Variants in CDH13 observed in about 807,000 individuals in gnomAD.
The protein encoded by CDH13 is cadherin 13, also known as cadherin-13.
In CDH13, 24 loss-of-function variants were observed where a neutral mutation model predicts 63.8. That is an observed-to-expected ratio of 0.38 (90% CI 0.27 to 0.53). The LOEUF is 0.53. Among genes scored for constraint, CDH13 ranks in the 20% least tolerant of loss-of-function variants. The probability of loss-of-function intolerance (pLI) is 0.85; values close to 1 mark genes in which losing one functional copy is unlikely to be tolerated. For missense variants in CDH13, 1,049 were observed against 903.1 expected, an observed-to-expected ratio of 1.16 and a Z score of -2.07; for synonymous variants, 503 against 355.3, an observed-to-expected ratio of 1.42 and a Z score of -4.67.
intron 11 of CDH13, among the ~76,000 whole-genome samples, chr16:83,779,103 G>T (rs1474354842): frequency 6.6e-6 from 1 of 152,148 alleles, no homozygotes; most frequent in Non-Finnish European, 1.5e-5. Context: ...TAAGCCTAAA[G>T]AACTTCAATC....
intron 1 of CDH13, among the ~76,000 whole-genome samples, chr16:82,660,635 A>C (rs74028508): frequency 0.071 from 10,781 of 152,192 alleles, 935 homozygotes; most frequent in East Asian, 0.24. Flanking sequence ...AGTTATATTT[A>C]AGCCCTTTCA....
chr16:83,505,014 C>G (rs940574723), intron 7 of CDH13, among the ~76,000 whole-genome samples: 7 of 152,202 alleles, frequency 4.6e-5, no homozygotes, highest in Non-Finnish European at 4.4e-5. Flanking sequence ...TGGGAGGGGT[C>G]TGAGAGCATT....
chr16:82,793,967 G>C (rs1303978487), intron 1 of CDH13, among the ~76,000 whole-genome samples: 4 of 152,016 alleles, frequency 2.6e-5, no homozygotes, highest in African/African-American at 9.7e-5. Flanking sequence ...GGTGGAAATA[G>C]CCTGGATGCA....
At chr16:83,176,991 A>G (rs553933607) in intron 4 of CDH13, among the ~76,000 whole-genome samples, 1 of 152,294 alleles carries the variant, frequency 6.6e-6, no homozygotes, top group South Asian at 2.1e-4. Context: ...ATGATGAGGC[A>G]CTGCCATCCA....
chr16:82,948,594 C>G (rs1325386497), intron 2 of CDH13, among the ~76,000 whole-genome samples: 2 of 152,072 alleles, frequency 1.3e-5, no homozygotes, highest in African/African-American at 2.4e-5. Context: ...TTCAACCAAC[C>G]AAAATGACAA....
Position 83,268,659 on chromosome 16 carries a change from C to T in CDH13, c.636+51162C>T, listed in dbSNP as rs188117569. 2.5e-3 allele frequency among the ~76,000 whole-genome samples: 377 copies of T among 152,250 alleles called. 3 individuals carry two copies. The highest frequency in any genetic ancestry group is 8.7e-3 in the African/African-American group (363 of 41,542). On this transcript the variant is annotated intron_variant, in intron 5 of 13. Transcript: ENST00000567109. ...TTCAATGGGTGTCGCATCCTGGTCTCAATAGTTTTAGTGCAGACATTCTTC... is the reference window on the plus strand; with the variant it reads ...TTCAATGGGTGTCGCATCCTGGTCTTAATAGTTTTAGTGCAGACATTCTTC...
intron 7 of CDH13, among the ~76,000 whole-genome samples, chr16:83,502,656 A>T (rs889815067): frequency 6.6e-6 from 1 of 152,212 alleles, no homozygotes; most frequent in Non-Finnish European, 1.5e-5. Context: ...TGTGAAATAC[A>T]TTAGTTTTGG....
At chr16:83,702,686 G>A (rs1350883966) in intron 10 of CDH13, among the ~76,000 whole-genome samples, 3 of 152,174 alleles carry the variant, frequency 2.0e-5, no homozygotes, top group African/African-American at 7.2e-5. Context: ...GTGGCCATGT[G>A]CCTTGGGTCT....
intron 1 of CDH13, among the ~76,000 whole-genome samples, chr16:82,835,317 C>T (rs982241370): frequency 6.6e-6 from 1 of 152,192 alleles, no homozygotes; most frequent in Admixed American, 6.5e-5. Context: ...AATTTATGCT[C>T]CTTCTGACAT....
At chr16:83,150,151 C>T (rs1252571484) in intron 4 of CDH13, among the ~76,000 whole-genome samples, 1 of 150,370 alleles carries the variant, frequency 6.7e-6, no homozygotes, top group East Asian at 1.9e-4. Context: ...TCTTGCTGGA[C>T]TTTGTCTGTA....
intron 1 of CDH13, among the ~76,000 whole-genome samples, chr16:82,664,142 C>T (rs1657222169): frequency 6.6e-6 from 1 of 152,250 alleles, no homozygotes; most frequent in Admixed American, 6.5e-5. Flanking sequence ...AGGCAGTGCT[C>T]AGCACATAGT....
chr16:83,447,053 TAAA>T (rs56692922), intron 6 of CDH13, among the ~76,000 whole-genome samples: 14,539 of 63,324 alleles, frequency 0.23, 1,428 homozygotes, highest in Non-Finnish European at 0.35. Context: ...TCACCCGTCT[TAAA>T]AAAAAAAAAA....
intron 6 of CDH13, among the ~76,000 whole-genome samples, chr16:83,456,352 G>A (rs2073024974): frequency 6.6e-6 from 1 of 152,208 alleles, no homozygotes; most frequent in Admixed American, 6.5e-5. Flanking sequence ...CCCCGTCTTA[G>A]GTAAAGAGGA....
chr16:83,136,490 A>G (rs76028070), intron 4 of CDH13, among the ~76,000 whole-genome samples: 1 of 150,832 alleles, frequency 6.6e-6, no homozygotes, highest in African/African-American at 2.4e-5. Flanking sequence ...TGTCTCCAAA[A>G]AAAAAAAAAA....
intron 1 of CDH13, among the ~76,000 whole-genome samples, chr16:82,662,644 C>T (rs548533114): frequency 6.6e-6 from 1 of 152,176 alleles, no homozygotes; most frequent in Non-Finnish European, 1.5e-5. Context: ...TGTAGGACAA[C>T]AAATGCGCTT....
At chr16:83,289,001 G>A (rs547897479) in intron 5 of CDH13, among the ~76,000 whole-genome samples, 135 of 152,274 alleles carry the variant, frequency 8.9e-4, no homozygotes, top group Middle Eastern at 6.8e-3. Context: ...TACAGTTCCC[G>A]TAAGGGGTTG....
intron 10 of CDH13, among the ~76,000 whole-genome samples, chr16:83,711,920 C>T (rs909238218): frequency 6.6e-6 from 1 of 152,220 alleles, no homozygotes; most frequent in African/African-American, 2.4e-5. Context: ...AATTTAATTT[C>T]TTACAATTCT....
intron 5 of CDH13, among the ~76,000 whole-genome samples, chr16:83,326,522 C>G (rs2090366623): frequency 6.6e-6 from 1 of 151,152 alleles, no homozygotes; most frequent in Non-Finnish European, 1.5e-5. Flanking sequence ...AATGGCAGGA[C>G]TATATAGTTC....
intron 2 of CDH13, among the ~76,000 whole-genome samples, chr16:82,971,857 A>T (rs778806093): frequency 6.6e-6 from 1 of 152,160 alleles, no homozygotes; most frequent in African/African-American, 2.4e-5. Flanking sequence ...TTTGAATCCC[A>T]GACTTGCAGG....
Sources: gnomAD v4.1 joint callset for allele counts (sites outside exome capture counted in the v4.1 genomes callset) on GRCh38, gnomAD v4.1.1 for gene constraint, MANE v1.5 for transcripts, NCBI Gene and HGNC (gene_info 2026-07-23, HGNC 2026-07-21) for gene names.